PLA2G5: variants seen among roughly 807,000 people sequenced by gnomAD.
PLA2G5 encodes phospholipase A2 group V.
Under a neutral mutation model 15.9 loss-of-function variants are expected in PLA2G5, and 12 were observed. The observed-to-expected ratio is 0.76, with a 90% CI of 0.48 to 1.23. The LOEUF (loss-of-function observed/expected upper bound fraction) is 1.23. Ranked by LOEUF, PLA2G5 falls within the 50% of genes most tolerant of loss-of-function variation. The pLI is 0.00. For missense variants in PLA2G5, 169 were observed against 177.1 expected (o/e 0.95, Z 0.26); for synonymous variants, 71 against 71.4 (o/e 0.99, Z 0.03).
At chr1:20,068,965 AAG>A, upstream of PLA2G5, 1 of 1,287,024 alleles carries the variant, frequency 7.8e-7, no homozygotes, top group Non-Finnish European at 1.0e-6. Flanking sequence ...AGTTAGGACA[AAG>A]AGGCCCAGAA....
At chr1:20,054,605 T>A (rs776194364) in intron 1 of PLA2G5, among the ~76,000 whole-genome samples, 5 of 152,162 alleles carry the variant, frequency 3.3e-5, no homozygotes, top group Admixed American at 6.5e-5. Context: ...GGAGAGGTCT[T>A]TTCTGGTGGC....
rs940216638 is a variant in PLA2G5, at chr1:20,091,641, G to A, written c.*949G>A. ...CACAGCAGGAATTTTTTTTTAATAG[G>A]TGTCAGCTGTGGGGTTTATTTTTTA... On this transcript the variant is annotated 3_prime_UTR_variant, in exon 5 of 5. Transcript: ENST00000375108. Among the ~76,000 whole-genome samples the A allele has an allele frequency of 1.3e-5, 2 of 151,876 alleles. No homozygotes were observed. The highest frequency in any genetic ancestry group is 4.8e-5 in the African/African-American group (2 of 41,310).
At chr1:20,029,417 T>C (rs752080590) in intron 1 of PLA2G5, among the ~76,000 whole-genome samples, 15 of 152,168 alleles carry the variant, frequency 9.9e-5, no homozygotes, top group Middle Eastern at 3.2e-3. Flanking sequence ...GCTGATATGC[T>C]CCTCTCAAGG....
intron 1 of PLA2G5, among the ~76,000 whole-genome samples, chr1:20,046,494 CCT>C (rs1363684359): frequency 6.6e-6 from 1 of 152,164 alleles, no homozygotes; most frequent in African/African-American, 2.4e-5. Flanking sequence ...TATCTCCTTC[CCT>C]CTCTTGCCAT....
chr1:20,087,532 G>GT lies in PLA2G5; in HGVS notation c.185+1315dup, dbSNP rs567461307. Among the ~76,000 whole-genome samples, 756 of 126,204 alleles carry GT rather than the reference G, an allele frequency of 6.0e-3. 2 individuals are homozygous for GT. The highest frequency in any genetic ancestry group is 0.019 in the African/African-American group (667 of 34,762). The allele number at this position is 126,204 out of a possible 152,430, so 82.8% of individuals were successfully genotyped here. On this transcript the variant is annotated intron_variant, in intron 3 of 4. Coordinates refer to ENST00000375108, the MANE Select transcript of PLA2G5 (RefSeq NM_000929.3). ...CCTCAGTCTCCCAAGTAGCATATAC[G>GT]TTTTTTTTTTATACACATGGGCAAA...
At chr1:20,043,620 T>C (rs1213033737) in intron 1 of PLA2G5, among the ~76,000 whole-genome samples, 1 of 152,024 alleles carries the variant, frequency 6.6e-6, no homozygotes, top group Non-Finnish European at 1.5e-5. Context: ...CCAGGAATAG[T>C]CAGGGAAGCA....
At chr1:20,089,982 G>C in intron 4 of PLA2G5, 87 bp downstream of exon 4, 1 of 905,322 alleles carries the variant, frequency 1.1e-6, no homozygotes, top group Middle Eastern at 2.8e-4. Flanking sequence ...CCTGTATCTT[G>C]TTGGGGGAGG....
chr1:20,033,531 G>A (rs1416568324), intron 1 of PLA2G5, among the ~76,000 whole-genome samples: 2 of 152,200 alleles, frequency 1.3e-5, no homozygotes, highest in Non-Finnish European at 2.9e-5. Flanking sequence ...TAATGTGTTG[G>A]TTAGAGAGTG....
chr1:20,031,340 G>A (rs1392211903), intron 1 of PLA2G5, among the ~76,000 whole-genome samples: 4 of 152,172 alleles, frequency 2.6e-5, no homozygotes, highest in Admixed American at 2.6e-4. Context: ...AATGTATGAA[G>A]TTGACAAAGG....
At chr1:20,068,908 C>G (rs11573185), upstream of PLA2G5, 185 of 1,286,040 alleles carry the variant, frequency 1.4e-4, no homozygotes, top group African/African-American at 2.2e-3. Flanking sequence ...CACACTCCCC[C>G]CTACGTCCTT....
Position 20,089,913 on chromosome 1 carries a change from C to G in PLA2G5, c.292+18C>G, listed in dbSNP as rs771515129. 2 of 1,576,496 alleles carry G rather than the reference C, an allele frequency of 1.3e-6. No individual in the cohort carries two copies. The highest frequency in any genetic ancestry group is 1.7e-6 in the Non-Finnish European group (2 of 1,149,590). On this transcript the variant is annotated intron_variant, in intron 4 of 4. Coordinates refer to ENST00000375108, the MANE Select transcript of PLA2G5 (RefSeq NM_000929.3). ...CACCTGCGGTAAGGCTGGGGCTTCC[C>G]GTTCGGGCCATTGGAAGAGCACCTG...
intron 1 of PLA2G5, among the ~76,000 whole-genome samples, chr1:20,042,239 G>C (rs61769963): frequency 0.16 from 24,722 of 152,112 alleles, 2,207 homozygotes; most frequent in East Asian, 0.28. Flanking sequence ...AGCATAACCT[G>C]CCTATGCTGG....
intron 1 of PLA2G5, among the ~76,000 whole-genome samples, chr1:20,042,764 A>G (rs769070804): frequency 6.6e-6 from 1 of 152,056 alleles, no homozygotes; most frequent in Non-Finnish European, 1.5e-5. Context: ...GGTTTGGGAG[A>G]TTAGCCGGAC....
chr1:20,080,215 GGGAA>G (rs1376774058), intron 1 of PLA2G5, among the ~76,000 whole-genome samples: 1 of 152,056 alleles, frequency 6.6e-6, no homozygotes, highest in Non-Finnish European at 1.5e-5. Context: ...GTTCTTAGTG[GGGAA>G]GAGCCCTGGA....
intron 1 of PLA2G5, among the ~76,000 whole-genome samples, chr1:20,079,575 A>G (rs745343085): frequency 1.3e-5 from 2 of 152,156 alleles, no homozygotes; most frequent in East Asian, 1.9e-4. Flanking sequence ...CAGTGGTGCA[A>G]TCACAGTTCA....
At chr1:20,029,293 T>C (rs1230005656) in intron 1 of PLA2G5, among the ~76,000 whole-genome samples, 1 of 151,936 alleles carries the variant, frequency 6.6e-6, no homozygotes, top group Non-Finnish European at 1.5e-5. Flanking sequence ...CAGCATGCTA[T>C]TGCCTGTTGG....
At chr1:20,087,362 A>AT (rs2016341490) in intron 3 of PLA2G5, among the ~76,000 whole-genome samples, 1 of 152,122 alleles carries the variant, frequency 6.6e-6, no homozygotes, top group Non-Finnish European at 1.5e-5. Flanking sequence ...CTGATATAAA[A>AT]TGGCACAGTA....
chr1:20,076,207 T>G (rs1002131959), intron 1 of PLA2G5, among the ~76,000 whole-genome samples: 3 of 152,144 alleles, frequency 2.0e-5, no homozygotes, highest in Admixed American at 6.5e-5. Context: ...CTCTTAGCAT[T>G]TATACATTGG....
intron 4 of PLA2G5, among the ~76,000 whole-genome samples, chr1:20,090,166 C>T (rs2016497934): frequency 6.6e-6 from 1 of 152,164 alleles, no homozygotes; most frequent in South Asian, 2.1e-4. Flanking sequence ...TTTTAGACAT[C>T]AAGAAATGGA....
Sources: allele counts gnomAD v4.1 joint callset (sites outside exome capture counted in the v4.1 genomes callset), GRCh38; gene constraint gnomAD v4.1.1; transcripts MANE v1.5; gene names NCBI Gene and HGNC (gene_info 2026-07-23, HGNC 2026-07-21).